Variants in ITFG1 observed in about 807,000 individuals in gnomAD.
The protein encoded by ITFG1 is T-cell immunomodulatory protein.
ITFG1 carries 34 observed loss-of-function variants against 81.8 expected under a neutral mutation model. The ratio of observed to expected loss-of-function variants is 0.42; its 90% CI spans 0.32 to 0.55. The LOEUF is 0.55. Among genes scored for constraint, ITFG1 ranks in the 20% least tolerant of loss-of-function variants. The pLI is 0.17. For synonymous variants in ITFG1, 285 were observed against 270.6 expected, an observed-to-expected ratio of 1.05 and a Z score of -0.52; for missense variants, 672 against 755.4, an observed-to-expected ratio of 0.89 and a Z score of 1.29.
chr16:47,206,732 G>A (rs1436572448), intron 14 of ITFG1, among the ~76,000 whole-genome samples: 1 of 152,132 alleles, frequency 6.6e-6, no homozygotes, highest in Non-Finnish European at 1.5e-5. Flanking sequence ...AGTAGTCCAT[G>A]AAGAAGTGCA....
chr16:47,208,934 C>A (rs1567423935), intron 14 of ITFG1, among the ~76,000 whole-genome samples: 1 of 151,972 alleles, frequency 6.6e-6, no homozygotes. Context: ...AATTGAGAGA[C>A]AAGAGAGATT....
intron 10 of ITFG1, among the ~76,000 whole-genome samples, chr16:47,276,028 C>T (rs1966394224): frequency 1.3e-5 from 2 of 151,964 alleles, no homozygotes; most frequent in South Asian, 2.1e-4. Flanking sequence ...AACACCATGA[C>T]TACTCAACAC....
intron 14 of ITFG1, among the ~76,000 whole-genome samples, chr16:47,176,759 T>C (rs550404521): frequency 2.0e-5 from 3 of 152,218 alleles, no homozygotes; most frequent in African/African-American, 4.8e-5. Flanking sequence ...AGAAAGAGAC[T>C]GTGTTCCAAG....
intron 8 of ITFG1, among the ~76,000 whole-genome samples, chr16:47,332,826 A>G (rs570939285): frequency 6.6e-5 from 10 of 152,226 alleles, no homozygotes; most frequent in Non-Finnish European, 1.3e-4. Context: ...AAGTCAGTGA[A>G]CAACATCAGG....
At chr16:47,452,202 C>T (rs367652124) in intron 4 of ITFG1, among the ~76,000 whole-genome samples, 1 of 152,100 alleles carries the variant, frequency 6.6e-6, no homozygotes, top group Admixed American at 6.5e-5. Context: ...AGAATGTGGC[C>T]AAACTTTGCT....
At chr16:47,384,454 A>C (rs552228244) in intron 6 of ITFG1, among the ~76,000 whole-genome samples, 3 of 152,132 alleles carry the variant, frequency 2.0e-5, no homozygotes, top group Non-Finnish European at 2.9e-5. Context: ...CTTTCTACAC[A>C]CCAGAGAGGC....
chr16:47,384,607 T>A (rs550723905), intron 6 of ITFG1, among the ~76,000 whole-genome samples: 1 of 152,374 alleles, frequency 6.6e-6, no homozygotes, highest in African/African-American at 2.4e-5. Context: ...TAATACAGTC[T>A]GATAACTTGG....
At chr16:47,201,431 T>C (rs1965423776) in intron 14 of ITFG1, among the ~76,000 whole-genome samples, 1 of 152,118 alleles carries the variant, frequency 6.6e-6, no homozygotes. Context: ...ATGGTCTAGA[T>C]CTCCTGACCT....
At chr16:47,224,055 G>A (rs1477403733) in intron 13 of ITFG1, among the ~76,000 whole-genome samples, 2 of 133,042 alleles carry the variant, frequency 1.5e-5, no homozygotes, top group African/African-American at 5.5e-5. Context: ...TCACACTCTG[G>A]GGACTGTTGT....
At chr16:47,199,672 A>G (rs1001496160) in intron 14 of ITFG1, among the ~76,000 whole-genome samples, 2 of 152,108 alleles carry the variant, frequency 1.3e-5, no homozygotes, top group Non-Finnish European at 2.9e-5. Flanking sequence ...CATGGACCCC[A>G]TGGACCGGGG....
intron 13 of ITFG1, among the ~76,000 whole-genome samples, chr16:47,219,982 C>G (rs78514623): frequency 6.6e-6 from 1 of 152,304 alleles, no homozygotes; most frequent in East Asian, 1.9e-4. Flanking sequence ...ACGCTTTGTA[C>G]TACACACTAC....
At chr16:47,452,587 A>C in intron 4 of ITFG1, 146 bp downstream of exon 4, 1 of 604,724 alleles carries the variant, frequency 1.7e-6, no homozygotes. Flanking sequence ...GTCCTATCTG[A>C]TGGCAAATAA....
intron 8 of ITFG1, among the ~76,000 whole-genome samples, chr16:47,351,349 C>A (rs942578559): frequency 2.0e-5 from 3 of 152,182 alleles, no homozygotes; most frequent in Non-Finnish European, 4.4e-5. Flanking sequence ...AGCTGATAAG[C>A]AACTTCAGCA....
At chr16:47,366,119 C>T (rs1406057949) in intron 7 of ITFG1, among the ~76,000 whole-genome samples, 1 of 152,120 alleles carries the variant, frequency 6.6e-6, no homozygotes, top group Non-Finnish European at 1.5e-5. Flanking sequence ...CAAATCATCA[C>T]CATAATTTCA....
chr16:47,354,643 T>G (rs1269933421), intron 8 of ITFG1, among the ~76,000 whole-genome samples: 2 of 152,002 alleles, frequency 1.3e-5, no homozygotes, highest in African/African-American at 4.8e-5. Flanking sequence ...GTATTTGCAA[T>G]CTATACATCT....
chr16:47,442,451 T>C (rs1423110770), intron 5 of ITFG1, among the ~76,000 whole-genome samples: 1 of 152,178 alleles, frequency 6.6e-6, no homozygotes, highest in Non-Finnish European at 1.5e-5. Context: ...AAGTCAATCC[T>C]ATGCCAAAAG....
intron 8 of ITFG1, among the ~76,000 whole-genome samples, chr16:47,351,871 C>G (rs1452277910): frequency 1.3e-5 from 2 of 152,072 alleles, no homozygotes; most frequent in Non-Finnish European, 2.9e-5. Context: ...AGATAGAGAC[C>G]AATGGAACAG....
intron 13 of ITFG1, among the ~76,000 whole-genome samples, chr16:47,229,069 G>GTAAC (rs1399134000): frequency 6.6e-6 from 1 of 152,178 alleles, no homozygotes; most frequent in Non-Finnish European, 1.5e-5. Context: ...TATTTGTCAT[G>GTAAC]TAACTATGTG....
intron 6 of ITFG1, among the ~76,000 whole-genome samples, chr16:47,386,987 T>G (rs2151594413): frequency 6.6e-6 from 1 of 152,284 alleles, no homozygotes; most frequent in Admixed American, 6.5e-5. Flanking sequence ...ACAGATAACC[T>G]TCCTGAAGTC....
Sources: allele counts gnomAD v4.1 joint callset (sites outside exome capture counted in the v4.1 genomes callset), GRCh38; gene constraint gnomAD v4.1.1; transcripts MANE v1.5; gene names NCBI Gene and HGNC (gene_info 2026-07-23, HGNC 2026-07-21).